OR4E2: variants seen among roughly 807,000 people sequenced by gnomAD.
The protein encoded by OR4E2 is olfactory receptor 4E2.
Under a neutral mutation model 11.0 loss-of-function variants are expected in OR4E2, and 9 were observed. The observed-to-expected ratio is 0.82, with a 90% CI of 0.49 to 1.43. The LOEUF (loss-of-function observed/expected upper bound fraction) is 1.43, where lower values mean the gene tolerates loss of function less well. Among genes scored for constraint, OR4E2 ranks in the 40% most tolerant of loss-of-function variants. OR4E2 has a pLI of 0.00. For missense variants in OR4E2, 441 were observed against 382.0 expected (o/e 1.15, Z -1.29); for synonymous variants, 159 against 147.3 (o/e 1.08, Z -0.57).
At chr14:21,656,321 C>T (rs1313593068) in intron 1 of OR4E2, among the ~76,000 whole-genome samples, 181 bp from the exon 2 acceptor site, 1 of 152,160 alleles carries the variant, frequency 6.6e-6, no homozygotes, top group Non-Finnish European at 1.5e-5. Flanking sequence ...GATCATGCCA[C>T]TGCACTCCAG....
intron 2 of OR4E2, among the ~76,000 whole-genome samples, chr14:21,657,888 C>G (rs766206047): frequency 3.9e-5 from 6 of 152,102 alleles, no homozygotes; most frequent in Admixed American, 6.5e-5. Context: ...TGCACCCAGC[C>G]TCTAAATGCT....
chr14:21,656,796 AC>A (rs1455626713), intron 2 of OR4E2, among the ~76,000 whole-genome samples: 2 of 152,164 alleles, frequency 1.3e-5, no homozygotes, highest in African/African-American at 4.8e-5. Flanking sequence ...TACTTTTTTA[AC>A]ATGTTGCTGC....
At chr14:21,663,037 A>C (rs1880421460) in intron 3 of OR4E2, among the ~76,000 whole-genome samples, 1 of 152,160 alleles carries the variant, frequency 6.6e-6, no homozygotes, top group Non-Finnish European at 1.5e-5. Context: ...GTATTTTCTT[A>C]GCTCCATTGT....
rs1237685378 is a variant in OR4E2 at position 21,666,194 on chromosome 14, C to A, written c.*170C>A. ...TTATTCTGTTCATTAAAGATAAGAA[C>A]TTATTAACTATTATTTAAATAAAGC... On this transcript the variant is annotated 3_prime_UTR_variant, in exon 4 of 4. Coordinates refer to ENST00000641524, the MANE Select transcript of OR4E2 (RefSeq NM_001001912.3). 3.9e-6 allele frequency: 2 copies of A among 506,698 alleles called. No homozygotes were observed. The highest frequency in any genetic ancestry group is 3.5e-5 in the South Asian group (1 of 28,554). 31.4% of individuals were successfully genotyped at this position (506,698 alleles called of 1,614,324 possible).
intron 3 of OR4E2, 134 bp downstream of exon 3, chr14:21,660,880 T>C (rs1252632918): frequency 6.6e-6 from 1 of 152,156 alleles, no homozygotes; most frequent in Non-Finnish European, 1.5e-5. Context: ...ATGGACTGGG[T>C]GCACACATTT....
chr14:21,659,281 T>C (rs775541881), intron 2 of OR4E2, among the ~76,000 whole-genome samples: 2 of 152,184 alleles, frequency 1.3e-5, no homozygotes, highest in Non-Finnish European at 2.9e-5. Context: ...GCAATCCTCT[T>C]GCCTCAGCCT....
At chr14:21,661,902 T>C (rs1385413927) in intron 3 of OR4E2, among the ~76,000 whole-genome samples, 1 of 152,200 alleles carries the variant, frequency 6.6e-6, no homozygotes, top group African/African-American at 2.4e-5. Flanking sequence ...TAAGTAAAGT[T>C]GCTGGGTTCA....
rs1314470913 is a variant in OR4E2, at chr14:21,666,579, T to C, written c.*555T>C. ...ACTTTTTTTTTGAGACAGGAATTTTTTGTACTATTCCTGCAACTTCCTGTA... is the reference window on the plus strand; with the variant it reads ...ACTTTTTTTTTGAGACAGGAATTTTCTGTACTATTCCTGCAACTTCCTGTA... On this transcript the variant is annotated 3_prime_UTR_variant, in exon 4 of 4. Transcript: ENST00000641524. 1 of 152,226 alleles carries C rather than the reference T, an allele frequency of 6.6e-6. No individual in the cohort carries two copies. The highest frequency in any genetic ancestry group is 1.5e-5 in the Non-Finnish European group (1 of 68,052). 9.4% of individuals were successfully genotyped at this position (152,226 alleles called of 1,614,324 possible).
At chr14:21,655,592 G>C (rs1237859269) in intron 1 of OR4E2, among the ~76,000 whole-genome samples, 1 of 152,190 alleles carries the variant, frequency 6.6e-6, no homozygotes, top group East Asian at 1.9e-4. Context: ...AGGATTGCTT[G>C]AGTCCAGGAG....
Position 21,666,150 on chromosome 14 carries a change from G to A in OR4E2, c.*126G>A, listed in dbSNP as rs530560244. ...ATGGCATAGAGCAGGTCAGATTTCT[G>A]CTCATTAAAGATAAGAACTTATTCT... On this transcript the variant is annotated 3_prime_UTR_variant, in exon 4 of 4. Transcript: ENST00000641524. 133 of 636,804 alleles carry A rather than the reference G, an allele frequency of 2.1e-4. No individual in the cohort carries two copies. The African/African-American group carries it at 2.2e-3, about 11-fold the overall frequency. The allele number at this position is 636,804 out of a possible 1,614,324, so 39.4% of individuals were successfully genotyped here.
chr14:21,661,497 T>G (rs192630103), intron 3 of OR4E2, among the ~76,000 whole-genome samples: 5 of 152,342 alleles, frequency 3.3e-5, no homozygotes, highest in Admixed American at 3.3e-4. Context: ...GTTATTGACA[T>G]TCCATGAATT....
At chr14:21,663,323 C>G (rs1337177569) in intron 3 of OR4E2, among the ~76,000 whole-genome samples, 3 of 151,824 alleles carry the variant, frequency 2.0e-5, no homozygotes. Context: ...ACTAAAAATA[C>G]AAAAAAATTA....
chr14:21,660,041 G>C (rs1880231093), intron 2 of OR4E2, among the ~76,000 whole-genome samples: 1 of 152,042 alleles, frequency 6.6e-6, no homozygotes. Context: ...GGGTGAGGGA[G>C]TTAATTATGC....
At chr14:21,656,323 G>T (rs1304545171) in intron 1 of OR4E2, among the ~76,000 whole-genome samples, 179 bp from the exon 2 acceptor site, 1 of 152,110 alleles carries the variant, frequency 6.6e-6, no homozygotes, top group Non-Finnish European at 1.5e-5. Flanking sequence ...TCATGCCACT[G>T]CACTCCAGCC....
chr14:21,659,746 A>G (rs1411603797), intron 2 of OR4E2, among the ~76,000 whole-genome samples: 6 of 152,212 alleles, frequency 3.9e-5, no homozygotes, highest in Non-Finnish European at 7.3e-5. Flanking sequence ...GCTATGTTCT[A>G]TATACTTTCC....
intron 2 of OR4E2, among the ~76,000 whole-genome samples, chr14:21,658,715 A>G (rs968472232): frequency 3.3e-5 from 5 of 152,164 alleles, no homozygotes; most frequent in African/African-American, 1.2e-4. Flanking sequence ...TGCTGTCTAC[A>G]TTGTGGAGCT....
intron 3 of OR4E2, among the ~76,000 whole-genome samples, chr14:21,661,960 CA>C: frequency 6.6e-6 from 1 of 152,022 alleles, no homozygotes; most frequent in East Asian, 1.9e-4. Flanking sequence ...GATTATTTTC[CA>C]AAAAGATCTC....
intron 3 of OR4E2, among the ~76,000 whole-genome samples, chr14:21,661,770 C>G (rs1880340898): frequency 6.6e-6 from 1 of 152,152 alleles, no homozygotes. Context: ...ATGTGTTTAT[C>G]TAGTCCTCTA....
rs2138544983 is a variant in OR4E2, at chr14:21,666,107, C to G, written c.*83C>G. On this transcript the variant is annotated 3_prime_UTR_variant, in exon 4 of 4. Coordinates refer to ENST00000641524, the MANE Select transcript of OR4E2 (RefSeq NM_001001912.3). ...AAAGAGTCAAAATCAACTTATATAA[C>G]TTGGTAAATTAGGTAAAATGGCATA... The G allele has an allele frequency of 1.0e-6, 1 of 990,998 alleles. No homozygotes were observed. The highest frequency in any genetic ancestry group is 2.6e-5 in the East Asian group (1 of 38,746). The allele number at this position is 990,998 out of a possible 1,614,324, so 61.4% of individuals were successfully genotyped here.
Sources: allele counts gnomAD v4.1 joint callset (sites outside exome capture counted in the v4.1 genomes callset), GRCh38; gene constraint gnomAD v4.1.1; transcripts MANE v1.5; gene names NCBI Gene and HGNC (gene_info 2026-07-23, HGNC 2026-07-21).